Variants in TOX2 observed in about 807,000 individuals in gnomAD.
The protein encoded by TOX2 is granulosa cell HMG box 1.
In TOX2, 15 loss-of-function variants were observed where a neutral mutation model predicts 47.4. That is an observed-to-expected ratio of 0.32 (90% CI 0.21 to 0.49). The LOEUF (loss-of-function observed/expected upper bound fraction) is 0.49. Ranked by LOEUF, TOX2 falls within the 20% of genes least tolerant of loss-of-function variation. The probability of loss-of-function intolerance (pLI) is 0.99; values close to 1 mark genes in which losing one functional copy is unlikely to be tolerated. For synonymous variants in TOX2, 290 were observed against 296.6 expected, an observed-to-expected ratio of 0.98 and a Z score of 0.23; for missense variants, 622 against 673.1, an observed-to-expected ratio of 0.92 and a Z score of 0.84.
chr20:43,955,481 A>G (rs2069651743), intron 1 of TOX2, among the ~76,000 whole-genome samples: 1 of 152,242 alleles, frequency 6.6e-6, no homozygotes. Context: ...CGAGGTACTC[A>G]GACATTTCTG....
At chr20:44,011,068 T>C (rs547890981) in intron 3 of TOX2, among the ~76,000 whole-genome samples, 1 of 152,264 alleles carries the variant, frequency 6.6e-6, no homozygotes, top group East Asian at 1.9e-4. Flanking sequence ...CTTCCCTCTG[T>C]CAGCAAAACT....
chr20:44,031,070 C>A (rs1168709371), intron 3 of TOX2, among the ~76,000 whole-genome samples: 4 of 152,050 alleles, frequency 2.6e-5, no homozygotes, highest in Non-Finnish European at 1.5e-5. Flanking sequence ...GAGACAAGGG[C>A]AAAATGCACA....
chr20:44,057,491 G>T (rs1051774058), intron 5 of TOX2, among the ~76,000 whole-genome samples: 2 of 151,986 alleles, frequency 1.3e-5, no homozygotes. Flanking sequence ...GAAAATAATA[G>T]GAAATAAAAA....
At chr20:44,046,882 AC>A (rs1569131430) in intron 3 of TOX2, among the ~76,000 whole-genome samples, 1 of 152,174 alleles carries the variant, frequency 6.6e-6, no homozygotes, top group African/African-American at 2.4e-5. Context: ...TCTATAACAA[AC>A]CTTCACATAT....
chr20:44,017,147 G>A (rs1417869458), intron 3 of TOX2, among the ~76,000 whole-genome samples: 1 of 152,218 alleles, frequency 6.6e-6, no homozygotes, highest in African/African-American at 2.4e-5. Context: ...ATTACTGAAT[G>A]AATGGGAGAA....
rs186373136 is a variant in TOX2 at position 44,069,473 on chromosome 20, A to G, written c.*787A>G. 3.7e-3 allele frequency: 561 copies of G among 153,140 alleles called. 2 individuals are homozygous for G. Among genetic ancestry groups the G allele is most frequent in the Non-Finnish European group, 5.7e-3 (393 of 68,384 alleles). 9.5% of individuals were successfully genotyped at this position (153,140 alleles called of 1,614,324 possible). On this transcript the variant is annotated 3_prime_UTR_variant, in exon 9 of 9. Transcript: ENST00000341197. ...TGAGAACGAAGTTACAGCTTATCCTACCGTGTGTGTGGTTTTGGGGTTTCG... is the reference window on the plus strand; with the variant it reads ...TGAGAACGAAGTTACAGCTTATCCTGCCGTGTGTGTGGTTTTGGGGTTTCG...
intron 2 of TOX2, among the ~76,000 whole-genome samples, chr20:43,992,849 CAA>C (rs11483440): frequency 1.6e-4 from 12 of 74,516 alleles, no homozygotes; most frequent in Non-Finnish European, 2.0e-4. Flanking sequence ...GTAGGGTTTA[CAA>C]AAAAAAAAAA....
chr20:43,982,699 C>T (rs1236516733), intron 2 of TOX2, among the ~76,000 whole-genome samples: 4 of 151,348 alleles, frequency 2.6e-5, no homozygotes, highest in Admixed American at 6.6e-5. Flanking sequence ...GGAAGGATGC[C>T]GGGGTAGGGT....
At chr20:44,042,856 G>A (rs2071354912) in intron 3 of TOX2, among the ~76,000 whole-genome samples, 2 of 152,148 alleles carry the variant, frequency 1.3e-5, no homozygotes, top group African/African-American at 4.8e-5. Context: ...GGGATGTGAG[G>A]AGTGTGAAAG....
intron 1 of TOX2, among the ~76,000 whole-genome samples, chr20:43,950,342 C>T (rs996744137): frequency 2.0e-5 from 3 of 152,356 alleles, no homozygotes; most frequent in African/African-American, 4.8e-5. Context: ...GCAGCCCTCT[C>T]GCCTGCCCTC....
chr20:43,970,390 G>A (rs562590996), intron 1 of TOX2, among the ~76,000 whole-genome samples: 18 of 152,282 alleles, frequency 1.2e-4, no homozygotes, highest in South Asian at 8.3e-4. Flanking sequence ...TGTGCTTATC[G>A]GGGAATGAAG....
At chr20:44,013,132 A>G (rs1250193711) in intron 3 of TOX2, among the ~76,000 whole-genome samples, 2 of 151,856 alleles carry the variant, frequency 1.3e-5, no homozygotes, top group East Asian at 3.9e-4. Context: ...AGGGCCTTGG[A>G]CTTAGGGACA....
intron 3 of TOX2, among the ~76,000 whole-genome samples, chr20:44,032,165 G>A (rs572870645): frequency 1.3e-5 from 2 of 152,236 alleles, no homozygotes; most frequent in Admixed American, 1.3e-4. Flanking sequence ...AGGAAGTCTT[G>A]CAGTAGGTGA....
intron 1 of TOX2, among the ~76,000 whole-genome samples, chr20:43,972,524 A>G (rs1161433265): frequency 2.0e-5 from 3 of 152,182 alleles, no homozygotes; most frequent in Non-Finnish European, 4.4e-5. Context: ...AAGGGAACTA[A>G]CTGGAATTAA....
intron 2 of TOX2, among the ~76,000 whole-genome samples, chr20:43,985,201 A>G (rs1400820765): frequency 2.0e-5 from 3 of 151,948 alleles, no homozygotes; most frequent in Non-Finnish European, 4.4e-5. Context: ...GTGAATGGGG[A>G]TTGGATGAAT....
intron 3 of TOX2, among the ~76,000 whole-genome samples, chr20:44,016,334 A>C (rs912348084): frequency 6.6e-6 from 1 of 152,064 alleles, no homozygotes; most frequent in Non-Finnish European, 1.5e-5. Context: ...ATGTTGCCCA[A>C]GCTGGTCTCG....
At chr20:44,008,542 G>A (rs776474818) in intron 3 of TOX2, among the ~76,000 whole-genome samples, 54 of 137,188 alleles carry the variant, frequency 3.9e-4, no homozygotes, top group Non-Finnish European at 2.0e-4. Flanking sequence ...CCTGGGCCAC[G>A]CAGCAAGACC....
rs6017248 is a variant in TOX2, at chr20:44,029,634, A to T, written c.412-21672A>T. Among the ~76,000 whole-genome samples, 150 of 152,114 alleles carry T rather than the reference A, an allele frequency of 9.9e-4. 1 individual carries two copies. Among genetic ancestry groups the T allele is most frequent in the Non-Finnish European group, 2.0e-3 (135 of 67,992 alleles). On this transcript the variant is annotated intron_variant, in intron 3 of 8. Transcript: ENST00000341197. ...CCATGTTCCAGTCACCCGCTTCTGC[A>T]GTTAGGATCCCCATGGGGAATTGCT...
intron 3 of TOX2, among the ~76,000 whole-genome samples, chr20:44,050,995 C>T (rs2071499406): frequency 6.6e-6 from 1 of 152,202 alleles, no homozygotes; most frequent in South Asian, 2.1e-4. Flanking sequence ...AAGACTCGGT[C>T]TCATCAAATG....
Sources: allele counts gnomAD v4.1 joint callset (sites outside exome capture counted in the v4.1 genomes callset), GRCh38; gene constraint gnomAD v4.1.1; transcripts MANE v1.5; gene names NCBI Gene and HGNC (gene_info 2026-07-23, HGNC 2026-07-21).